Variants in DMD observed in about 807,000 individuals in gnomAD.
DMD encodes mutant dystrophin.
DMD carries 63 observed loss-of-function variants against 330.1 expected under a neutral mutation model. The ratio of observed to expected loss-of-function variants is 0.19; its 90% CI spans 0.16 to 0.24. The LOEUF is 0.24. Among genes scored for constraint, DMD ranks in the 10% least tolerant of loss-of-function variants. DMD has a pLI of 1.00. For synonymous variants in DMD, 1,223 were observed against 959.8 expected, an observed-to-expected ratio of 1.27 and a Z score of -5.07; for missense variants, 3,344 against 2,684.1, an observed-to-expected ratio of 1.25 and a Z score of -5.43.
Position 31,854,095 on chromosome X carries a change from A to G in DMD, c.7099-17276T>C, listed in dbSNP as rs143779713. ...TACCTTCCTGCTAAGCTATATTCCT[A>G]TATCCTTCTAAGTGCCTTTGCTACT... is the stretch of plus-strand genomic sequence containing the variant. On this transcript the variant is annotated intron_variant, in intron 48 of 78. Transcript: ENST00000357033. Among the ~76,000 whole-genome samples the G allele has an allele frequency of 1.8e-3, 204 of 112,061 alleles. 7 individuals are homozygous for G. In the East Asian group the frequency reaches 0.045, roughly 24 times the overall value.
intron 57 of DMD, among the ~76,000 whole-genome samples, chrX:31,495,103 A>AT (rs1316621039): frequency 1.8e-5 from 2 of 110,716 alleles, no homozygotes; most frequent in East Asian, 5.6e-4. Flanking sequence ...TCAGAAATAT[A>AT]TGAAGGCAAA....
At chrX:31,879,211 G>GGC (rs1366936544) in intron 47 of DMD, among the ~76,000 whole-genome samples, 1 of 98,389 alleles carries the variant, frequency 1.0e-5, no homozygotes, top group East Asian at 3.0e-4. Flanking sequence ...CTACATGGCG[G>GGC]GGGGGGGCCT....
At position 32,661,629 on chromosome X, in the gene DMD, C is replaced by T. The variant is rs184434043; in HGVS notation, c.961-16477G>A. 4.1e-3 allele frequency among the ~76,000 whole-genome samples: 452 copies of T among 111,390 alleles called. 1 individual carries two copies. The highest frequency in any genetic ancestry group is 7.1e-3 in the Non-Finnish European group (374 of 52,794). ...TATATTTTATGTGAATGTGATCATT[C>T]TAAGTCTCTCATACACTCACAGAAT... On this transcript the variant is annotated intron_variant, in intron 9 of 78. Coordinates refer to ENST00000357033, the MANE Select transcript of DMD (RefSeq NM_004006.3).
intron 17 of DMD, among the ~76,000 whole-genome samples, chrX:32,536,423 T>C (rs929634368): frequency 9.0e-6 from 1 of 110,625 alleles, no homozygotes; most frequent in African/African-American, 3.3e-5. Flanking sequence ...GAGAAAACAG[T>C]AGGTACAAAG....
At chrX:31,479,635 T>C (rs2068087948) in intron 57 of DMD, among the ~76,000 whole-genome samples, 1 of 112,242 alleles carries the variant, frequency 8.9e-6, no homozygotes, top group South Asian at 3.6e-4. Flanking sequence ...TCTCAATACT[T>C]TTGAAAAATA....
intron 9 of DMD, among the ~76,000 whole-genome samples, chrX:32,677,086 A>T (rs1012685261): frequency 1.3e-4 from 15 of 111,690 alleles, no homozygotes; most frequent in African/African-American, 4.5e-4. Flanking sequence ...CTGACAAATG[A>T]AAATTCAGAG....
In DMD at chrX:31,204,078, G is replaced by A. The variant is rs767474138; in HGVS notation, c.9690C>T (p.Asp3230=). ...GCAGAAGGAGGCCCAGCCTGCGCTG[G>A]TCACAAAATCCTGTTGAACTTGCCA... ...KQVASSTGFC[D]QRRLGLLLHD... Residue 3230 remains aspartate (D), a synonymous_variant, in exon 67 of 79, where the codon GAC becomes GAT. Transcript: ENST00000357033. The A allele has an allele frequency of 1.1e-5, 13 of 1,209,773 alleles. No individual in the cohort carries two copies. The highest frequency in any genetic ancestry group is 1.8e-5 in the South Asian group (1 of 56,776).
At position 32,252,641 on chromosome X, in the gene DMD, T is replaced by TACAA. The variant is rs1569553550; in HGVS notation, c.6290+34887_6290+34888insTTGT. ...ATATATAAATATGTGTATATATAAA[T>TACAA]ATATATAAATACAAATATATAAATA... On this transcript the variant is annotated intron_variant, in intron 43 of 78. Transcript: ENST00000357033. 2.9e-4 allele frequency among the ~76,000 whole-genome samples: 23 copies of TACAA among 78,438 alleles called. 1 individual carries two copies. Among genetic ancestry groups the TACAA allele is most frequent in the Admixed American group, 1.4e-3 (7 of 5,051 alleles). The allele number at this position is 78,438 out of a possible 115,157, so 68.1% of individuals were successfully genotyped here.
At position 32,618,510 on chromosome X, in the gene DMD, G is replaced by C. The variant is rs191312070; in HGVS notation, c.1332-4057C>G. On this transcript the variant is annotated intron_variant, in intron 11 of 78. Transcript: ENST00000357033. ...GAAACAACAGACATGGGGCCTATTG[G>C]AGTTTGGAGGGTGGCAGAAGGAAAG... Among the ~76,000 whole-genome samples the C allele has an allele frequency of 8.6e-4, 95 of 110,998 alleles. 1 individual carries two copies. Among genetic ancestry groups the C allele is most frequent in the African/African-American group, 2.9e-3 (88 of 30,553 alleles).
intron 11 of DMD, among the ~76,000 whole-genome samples, chrX:32,617,413 T>G (rs2149363480): frequency 9.0e-6 from 1 of 111,286 alleles, no homozygotes; most frequent in African/African-American, 3.3e-5. Flanking sequence ...AATTAATGCA[T>G]TTGCATTCAA....
intron 45 of DMD, among the ~76,000 whole-genome samples, chrX:31,946,084 C>A (rs1375378076): frequency 8.9e-6 from 1 of 111,824 alleles, no homozygotes; most frequent in East Asian, 2.8e-4. Flanking sequence ...GACATATGTT[C>A]TAAGAACAAA....
chrX:31,500,499 A>T (rs1037278959), intron 56 of DMD, among the ~76,000 whole-genome samples: 1 of 112,375 alleles, frequency 8.9e-6, no homozygotes, highest in African/African-American at 3.2e-5. Context: ...AGCTCAAAAC[A>T]TTTTCTTTGA....
At chrX:31,407,289 G>C (rs2733463) in intron 60 of DMD, among the ~76,000 whole-genome samples, 48,425 of 106,927 alleles carry the variant, frequency 0.45, 10,476 homozygotes, top group African/African-American at 0.84. Flanking sequence ...CTCAGCCTCC[G>C]TAGTAGCTGT....
At chrX:32,323,941 G>A (rs991210925) in intron 41 of DMD, among the ~76,000 whole-genome samples, 11 of 111,108 alleles carry the variant, frequency 9.9e-5, no homozygotes, top group Non-Finnish European at 2.1e-4. Context: ...GATCAAGCAC[G>A]TATTGGTAAG....
rs146752754 is a variant in DMD at position 32,140,504 on chromosome X, G to A, written c.6438+76412C>T. On this transcript the variant is annotated intron_variant, in intron 44 of 78. Transcript: ENST00000357033. The stretch of plus-strand genomic sequence containing the variant: ...GCAATGACTTTTCAAAGTTGATAAG[G>A]ATATAGTTTCTATTGTGAAAGTCTA... 3.4e-3 allele frequency among the ~76,000 whole-genome samples: 385 copies of A among 112,222 alleles called. 2 individuals carry two copies. Among genetic ancestry groups the A allele is most frequent in the Non-Finnish European group, 5.3e-3 (283 of 53,209 alleles).
intron 11 of DMD, among the ~76,000 whole-genome samples, chrX:32,636,553 C>T: frequency 8.9e-6 from 1 of 112,252 alleles, no homozygotes; most frequent in Admixed American, 9.4e-5. Flanking sequence ...TTTTGTCCTC[C>T]ATCCATATAG....
intron 55 of DMD, among the ~76,000 whole-genome samples, chrX:31,584,428 G>C (rs1024271679): frequency 6.3e-5 from 7 of 111,361 alleles, no homozygotes; most frequent in African/African-American, 2.3e-4. Context: ...TCTAGAACCA[G>C]AAATACCATT....
intron 1 of DMD, among the ~76,000 whole-genome samples, chrX:33,315,139 G>A (rs760151502): frequency 1.8e-5 from 2 of 112,136 alleles, no homozygotes; most frequent in South Asian, 7.4e-4. Flanking sequence ...ATCTTTGTGT[G>A]TTTGTGCTTA....
At chrX:32,565,659 A>C (rs969872085) in intron 16 of DMD, 43 bp downstream of exon 16, 1 of 1,175,360 alleles carries the variant, frequency 8.5e-7, no homozygotes, top group South Asian at 1.8e-5. Context: ...AGGTTTAAAA[A>C]ATCTCTGAGA....
Sources: allele counts gnomAD v4.1 joint callset (sites outside exome capture counted in the v4.1 genomes callset), GRCh38; gene constraint gnomAD v4.1.1; transcripts MANE v1.5; gene names NCBI Gene and HGNC (gene_info 2026-07-23, HGNC 2026-07-21).